Variants in IAH1 observed in about 807,000 individuals in gnomAD.
IAH1 encodes isoamyl acetate-hydrolyzing esterase 1 homolog.
In IAH1, 24 loss-of-function variants were observed where a neutral mutation model predicts 26.7. The ratio of observed to expected loss-of-function variants is 0.90; its 90% CI spans 0.65 to 1.26. The LOEUF (loss-of-function observed/expected upper bound fraction) is 1.26, where lower values mean the gene tolerates loss of function less well. Ranked by LOEUF, IAH1 falls within the 50% of genes most tolerant of loss-of-function variation. The pLI is 0.00. For missense variants in IAH1, 300 were observed against 299.9 expected, an observed-to-expected ratio of 1.00 and a Z score of 0.00; for synonymous variants, 140 against 118.5, an observed-to-expected ratio of 1.18 and a Z score of -1.18.
chr2:9,503,942 C>CA, the IAH1 span, among the ~76,000 whole-genome samples: 1 of 151,998 alleles, frequency 6.6e-6, no homozygotes, highest in East Asian at 1.9e-4. Flanking sequence ...CACTTGAGCC[C>CA]AGGACTTTAC....
At chr2:9,475,851 A>C in intron 1 of IAH1, 136 bp from the exon 2 acceptor site, 2 of 707,076 alleles carry the variant, frequency 2.8e-6, no homozygotes, top group Non-Finnish European at 2.5e-6. Context: ...TGTAATCCCC[A>C]AAATGACCTC....
At chr2:9,497,320 CTGTTTCTCA>C (rs1662690359), downstream of IAH1, 3 of 1,578,674 alleles carry the variant, frequency 1.9e-6, no homozygotes, top group Non-Finnish European at 2.6e-6. Flanking sequence ...GCATAATACG[CTGTTTCTCA>C]TACAAGTGAG....
chr2:9,481,081 C>T (rs1206782093), intron 3 of IAH1, among the ~76,000 whole-genome samples: 4 of 152,116 alleles, frequency 2.6e-5, no homozygotes, highest in African/African-American at 9.7e-5. Flanking sequence ...ACTTACGGTG[C>T]CCCTAGTTAG....
intron 3 of IAH1, among the ~76,000 whole-genome samples, chr2:9,479,794 G>GGTTTTTTTTTTTTT (rs1572837862): frequency 1.2e-5 from 1 of 81,736 alleles, no homozygotes; most frequent in African/African-American, 4.5e-5. Flanking sequence ...TCTGTGTATT[G>GGTTTTTTTTTTTTT]CTTTTTTTTT....
chr2:9,487,275 T>C (rs535756554), intron 5 of IAH1, among the ~76,000 whole-genome samples: 44 of 152,258 alleles, frequency 2.9e-4, no homozygotes, highest in Middle Eastern at 3.4e-3. Flanking sequence ...ATATGTACTC[T>C]TGAGTTCAGG....
chr2:9,502,084 C>T, the IAH1 span: 2 of 1,157,696 alleles, frequency 1.7e-6, no homozygotes, highest in African/African-American at 1.5e-5. Flanking sequence ...AATAAGGTGT[C>T]TCTCATCTGA....
rs5829216 is a variant in IAH1 at position 9,479,795 on chromosome 2, CTTTTTTTTTTTTTTTTTTTTTTT to C, written c.283+1438_284-1456del. 7.2e-5 allele frequency among the ~76,000 whole-genome samples: 5 copies of C among 69,872 alleles called. No individual in the cohort carries two copies. In the South Asian group the frequency reaches 3.5e-3, roughly 48 times the overall value. The allele number at this position is 69,872 out of a possible 152,430, so 45.8% of individuals were successfully genotyped here. A position where few individuals can be genotyped will look rare whatever the true frequency, so the allele number is the denominator to read the frequency against. ...TGTGTGCGGAGATTTCTGTGTATTGCTTTTTTTTTTTTTTTTTTTTTTTTTTTTTTTTTTTGACAGTTTCACAC... is the reference window on the plus strand; with the variant it reads ...TGTGTGCGGAGATTTCTGTGTATTGCTTTTTTTTTTTTGACAGTTTCACAC... On this transcript the variant is annotated intron_variant, in intron 3 of 5. Transcript: ENST00000497473.
At chr2:9,501,748 T>C in the IAH1 span, among the ~76,000 whole-genome samples, 4 of 152,358 alleles carry the variant, frequency 2.6e-5, no homozygotes, top group South Asian at 8.3e-4. Context: ...TATTAGGATG[T>C]AGCCATTAAA....
At chr2:9,496,106 CTTTTA>C (rs1662574371) in intron 6 of IAH1, among the ~76,000 whole-genome samples, 1 of 151,844 alleles carries the variant, frequency 6.6e-6, no homozygotes, top group African/African-American at 2.4e-5. Flanking sequence ...GGTTCTTTGT[CTTTTA>C]TTTATTTTAT....
At chr2:9,476,076 G>A in intron 2 of IAH1, 37 bp downstream of exon 2, 1 of 1,550,522 alleles carries the variant, frequency 6.4e-7, no homozygotes, top group Non-Finnish European at 8.9e-7. Flanking sequence ...TCTTATGGAT[G>A]GAAAATGTCT....
chr2:9,494,150 C>A (rs890479961), downstream of IAH1, among the ~76,000 whole-genome samples: 1 of 152,154 alleles, frequency 6.6e-6, no homozygotes, highest in Non-Finnish European at 1.5e-5. Context: ...CAGCCAGACT[C>A]CCTGTGAAGC....
chr2:9,490,347 C>T, downstream of IAH1: 1 of 1,614,116 alleles, frequency 6.2e-7, no homozygotes, highest in East Asian at 2.2e-5. Flanking sequence ...ATATGTGAGT[C>T]TGTGCTGGGG....
At chr2:9,475,784 T>G in intron 1 of IAH1, 1 of 605,330 alleles carries the variant, frequency 1.7e-6, no homozygotes, top group Non-Finnish European at 3.0e-6. Context: ...TACAGGCTGT[T>G]TAGCTTTTGA....
chr2:9,487,595 A>G (rs10929585), intron 5 of IAH1: 13,758 of 152,358 alleles, frequency 0.09, 711 homozygotes, highest in African/African-American at 0.14. Flanking sequence ...AGACAGCACT[A>G]TAGCACTAGT....
downstream of IAH1, chr2:9,497,119 C>T: frequency 6.2e-7 from 1 of 1,613,812 alleles, no homozygotes; most frequent in Non-Finnish European, 8.5e-7. Flanking sequence ...CTCACCATTA[C>T]ATGCACAGGA....
chr2:9,490,493 T>G, downstream of IAH1: 1 of 1,613,430 alleles, frequency 6.2e-7, no homozygotes, highest in Non-Finnish European at 8.5e-7. Flanking sequence ...CGATGCAGAA[T>G]CCATGCTGCT....
In IAH1 at chr2:9,474,704, G is replaced by A; in HGVS notation, c.81+57G>A. The A allele has an allele frequency of 1.5e-6, 2 of 1,326,132 alleles. No homozygotes were observed. Among genetic ancestry groups the A allele is most frequent in the South Asian group, 1.3e-5 (1 of 76,718 alleles). 82.1% of individuals were successfully genotyped at this position (1,326,132 alleles called of 1,614,324 possible). A position where few individuals can be genotyped will look rare whatever the true frequency, so the allele number is the denominator to read the frequency against. On this transcript the variant is annotated intron_variant, in intron 1 of 5. Coordinates refer to ENST00000497473, the MANE Select transcript of IAH1 (RefSeq NM_001039613.3). This position sits in a 1 kb window ranked among gnomAD's most constrained non-coding sequence, Gnocchi z 4.3. ...CCGGCCTCCCTGCGGGGTCGCTGCC[G>A]AGCAGGCCGAGGCTCCTCGCCGTCC...
At chr2:9,509,710 CAA>C in the IAH1 span, among the ~76,000 whole-genome samples, 1 of 151,804 alleles carries the variant, frequency 6.6e-6, no homozygotes, top group Non-Finnish European at 1.5e-5. Context: ...TCCAGAACTC[CAA>C]AAAAAGCCAT....
downstream of IAH1, among the ~76,000 whole-genome samples, chr2:9,492,201 AGTCT>A (rs1298413299): frequency 2.0e-5 from 3 of 150,884 alleles, no homozygotes; most frequent in South Asian, 6.2e-4. Context: ...TGGGAAAACA[AGTCT>A]GGAAGCCTGG....
Sources: allele counts gnomAD v4.1 joint callset (sites outside exome capture counted in the v4.1 genomes callset), GRCh38; gene constraint gnomAD v4.1.1; non-coding constraint Gnocchi (gnomAD v3.1); transcripts MANE v1.5; gene names NCBI Gene and HGNC (gene_info 2026-07-23, HGNC 2026-07-21).